Variants in FEZ2 observed in about 807,000 individuals in gnomAD.
The protein encoded by FEZ2 is fasciculation and elongation protein zeta 2.
In FEZ2, 51 loss-of-function variants were observed where a neutral mutation model predicts 40.4. The observed-to-expected ratio is 1.26, with a 90% CI of 1.01 to 1.59. FEZ2 has a LOEUF of 1.59. Ranked by LOEUF, FEZ2 falls within the 40% of genes most tolerant of loss-of-function variation. The pLI is 0.00. For synonymous variants in FEZ2, 242 were observed against 172.0 expected, an observed-to-expected ratio of 1.41 and a Z score of -3.18; for missense variants, 640 against 438.3, an observed-to-expected ratio of 1.46 and a Z score of -4.11.
rs1184922053 is a variant in FEZ2 at position 36,577,784 on chromosome 2, C to A, written c.903+813G>T. Among the ~76,000 whole-genome samples the A allele has an allele frequency of 9.2e-5, 14 of 152,208 alleles. No individual in the cohort carries two copies. In the East Asian group the frequency reaches 2.7e-3, roughly 29 times the overall value. ...TTTAGATAAGTAAATCAGACTTTATCAAAAACAGAACTCATATTATTGCAA... is the reference window on the plus strand; with the variant it reads ...TTTAGATAAGTAAATCAGACTTTATAAAAAACAGAACTCATATTATTGCAA... On this transcript the variant is annotated intron_variant, in intron 5 of 7. Transcript: ENST00000405912.
chr2:36,598,010 C>G lies in FEZ2; in HGVS notation c.133G>C (p.Asp45His). The change falls in exon 1 of 8, where the codon GAC becomes CAC. Residue 45 changes from aspartate to histidine, a missense_variant. Asp to His is a moderately conservative substitution (Grantham distance 81). Coordinates refer to ENST00000405912, the MANE Select transcript of FEZ2 (RefSeq NM_005102.3). Reference protein sequence around the residue: ...EAGAEAGGGADGFPAPACSLE... With the variant: ...EAGAEAGGGAHGFPAPACSLE... The stretch of plus-strand genomic sequence containing the variant: ...CTGCAGGCCGGGGCCGGGAAACCGT[C>G]GGCGCCCCCACCCGCCTCGGCCCCC... The G allele has an allele frequency of 1.3e-6, 2 of 1,496,620 alleles. No homozygotes were observed. The highest frequency in any genetic ancestry group is 1.8e-6 in the Non-Finnish European group (2 of 1,128,538). 92.7% of individuals were successfully genotyped at this position (1,496,620 alleles called of 1,614,324 possible).
chr2:36,595,486 A>T (rs553528790), intron 1 of FEZ2, among the ~76,000 whole-genome samples: 11 of 152,266 alleles, frequency 7.2e-5, no homozygotes, highest in Admixed American at 1.3e-4. Context: ...ATCTGACAGG[A>T]GGTGGCTCAG....
At chr2:36,565,190 A>T (rs1459750974) in intron 5 of FEZ2, among the ~76,000 whole-genome samples, 1 of 152,020 alleles carries the variant, frequency 6.6e-6, no homozygotes, top group Non-Finnish European at 1.5e-5. Context: ...CCCTACTTTC[A>T]CTTCCCTGGC....
intron 6 of FEZ2, chr2:36,556,790 A>C (rs953663570): frequency 1.3e-5 from 2 of 152,234 alleles, no homozygotes; most frequent in Non-Finnish European, 2.9e-5. Context: ...AACACTACTC[A>C]AATTATTTAA....
Position 36,578,653 on chromosome 2 carries a change from G to C in FEZ2, c.847C>G (p.Leu283Val), listed in dbSNP as rs34499846. Reference protein sequence around the residue: ...HKETAKKKKKLKNGSSQNGKN... With the variant: ...HKETAKKKKKVKNGSSQNGKN... ...CCATTCTGAGAGCTGCCATTTTTTA[G>C]TTTCTTTTTCTTTTTTGCTGTTTCT... The change falls in exon 5 of 8, where the codon CTA (leucine) becomes GTA (valine). Residue 283 changes from leucine (L) to valine (V), a missense_variant. Physicochemically the swap from Leu to Val is conservative, Grantham distance 32. Coordinates refer to ENST00000405912, the MANE Select transcript of FEZ2 (RefSeq NM_005102.3). The C allele has an allele frequency of 7.8e-4, 1,257 of 1,613,522 alleles. 12 individuals are homozygous for C. In the African/African-American group the frequency reaches 0.015, roughly 19 times the overall value.
At chr2:36,581,543 T>TGGTTAATGGAG in intron 3 of FEZ2, 112 bp from the exon 4 acceptor site, 7 of 876,516 alleles carry the variant, frequency 8.0e-6, no homozygotes, top group Non-Finnish European at 1.3e-5. Context: ...AATTCTCCAT[T>TGGTTAATGGAG]AACCAATGGT....
chr2:36,586,216 C>T (rs534875790), intron 2 of FEZ2, among the ~76,000 whole-genome samples: 1 of 152,292 alleles, frequency 6.6e-6, no homozygotes, highest in East Asian at 1.9e-4. Context: ...TTAGTTTCAT[C>T]GATCCTTACA....
chr2:36,593,773 G>T (rs951645601), intron 1 of FEZ2, among the ~76,000 whole-genome samples: 1 of 152,000 alleles, frequency 6.6e-6, no homozygotes, highest in African/African-American at 2.4e-5. Flanking sequence ...ATGGTCGTGG[G>T]GATTAACATT....
intron 5 of FEZ2, among the ~76,000 whole-genome samples, chr2:36,570,094 TTA>T (rs1235354706): frequency 5.3e-5 from 8 of 152,044 alleles, no homozygotes; most frequent in East Asian, 1.9e-4. Flanking sequence ...TGTAAAAAAT[TTA>T]GAGTAAAAAT....
chr2:36,563,596 A>T (rs910956970), intron 5 of FEZ2, among the ~76,000 whole-genome samples: 18 of 151,530 alleles, frequency 1.2e-4, no homozygotes, highest in African/African-American at 4.4e-4. Flanking sequence ...ATCAACTCCT[A>T]CCTCCCCAGA....
intron 6 of FEZ2, chr2:36,557,934 G>A (rs540579556): frequency 1.3e-5 from 2 of 152,258 alleles, no homozygotes; most frequent in East Asian, 3.9e-4. Flanking sequence ...TCATGGCCTG[G>A]TACAGAGTAG....
At chr2:36,555,569 G>T (rs1373823232) in intron 7 of FEZ2, 114 bp downstream of exon 7, 1 of 542,054 alleles carries the variant, frequency 1.8e-6, no homozygotes, top group African/African-American at 1.9e-5. Context: ...TGCATAATAA[G>T]ATTAATGAAA....
chr2:36,591,244 A>C (rs1573032450), intron 1 of FEZ2: 1 of 529,888 alleles, frequency 1.9e-6, no homozygotes. Flanking sequence ...CGTACAGAAA[A>C]CTGCCAATAG....
chr2:36,558,373 A>G (rs373644845), intron 6 of FEZ2, 65 bp downstream of exon 6: 2 of 960,128 alleles, frequency 2.1e-6, no homozygotes, highest in East Asian at 2.7e-5. Flanking sequence ...TCAGCCAACT[A>G]AAGTCAGGTG....
At chr2:36,560,863 G>A (rs767037891) in intron 5 of FEZ2, 1 of 1,603,958 alleles carries the variant, frequency 6.2e-7, no homozygotes, top group Non-Finnish European at 8.5e-7. Context: ...CCATGCTGAA[G>A]CGCTAAAGGC....
At chr2:36,589,402 G>C (rs1455048894) in intron 2 of FEZ2, among the ~76,000 whole-genome samples, 1 of 152,224 alleles carries the variant, frequency 6.6e-6, no homozygotes, top group Non-Finnish European at 1.5e-5. Context: ...TTAGGCCATG[G>C]CTAAATGACC....
At chr2:36,583,198 T>A (rs1323738575) in intron 3 of FEZ2, among the ~76,000 whole-genome samples, 155 bp downstream of exon 3, 1 of 152,140 alleles carries the variant, frequency 6.6e-6, no homozygotes, top group East Asian at 1.9e-4. Context: ...AAATACTTAT[T>A]TTTCTCTGTG....
chr2:36,558,781 ACTAAGT>A (rs542767567), intron 5 of FEZ2: 136 of 259,708 alleles, frequency 5.2e-4, no homozygotes, highest in African/African-American at 2.7e-3. Context: ...ATTTCATAGG[ACTAAGT>A]CTGAGGATGG....
At chr2:36,592,985 G>C (rs1162125076) in intron 1 of FEZ2, among the ~76,000 whole-genome samples, 1 of 152,190 alleles carries the variant, frequency 6.6e-6, no homozygotes, top group Non-Finnish European at 1.5e-5. Context: ...TAGAATTAGA[G>C]GCAATGTCTG....
Sources: gnomAD v4.1 joint callset for allele counts (sites outside exome capture counted in the v4.1 genomes callset) on GRCh38, gnomAD v4.1.1 for gene constraint, MANE v1.5 for transcripts, NCBI Gene and HGNC (gene_info 2026-07-23, HGNC 2026-07-21) for gene names.